Variants in ANKS1B observed in about 807,000 individuals in gnomAD.
ANKS1B encodes ankyrin repeat and sterile alpha motif domain containing 1B, also known as ankyrin repeat and sterile alpha motif domain-containing protein 1B.
In ANKS1B, 36 loss-of-function variants were observed where a neutral mutation model predicts 148.3. The ratio of observed to expected loss-of-function variants is 0.24; its 90% CI spans 0.19 to 0.32. The LOEUF is 0.32. ANKS1B is among the 10% of genes least tolerant of loss of function. ANKS1B has a pLI of 1.00. For missense variants in ANKS1B, 1,157 were observed against 1,542.6 expected (o/e 0.75, Z 4.19); for synonymous variants, 542 against 560.8 (o/e 0.97, Z 0.47).
At chr12:99,538,096 A>G (rs2097091140) in intron 9 of ANKS1B, among the ~76,000 whole-genome samples, 1 of 151,904 alleles carries the variant, frequency 6.6e-6, no homozygotes, top group Non-Finnish European at 1.5e-5. Context: ...TGTGTTCTCT[A>G]TTCTTTTCCA....
At chr12:99,209,575 G>T (rs562521025) in intron 14 of ANKS1B, among the ~76,000 whole-genome samples, 1 of 152,276 alleles carries the variant, frequency 6.6e-6, no homozygotes, top group African/African-American at 2.4e-5. Flanking sequence ...CAAGTCTCAT[G>T]CTTGATGTGT....
intron 17 of ANKS1B, among the ~76,000 whole-genome samples, chr12:98,947,496 ATCATTAAC>A (rs1728996998): frequency 6.6e-6 from 1 of 152,180 alleles, no homozygotes; most frequent in South Asian, 2.1e-4. Flanking sequence ...AGCAACCTAA[ATCATTAAC>A]TCTCAAATTT....
At chr12:99,580,779 T>G (rs959631801) in intron 9 of ANKS1B, among the ~76,000 whole-genome samples, 4 of 152,206 alleles carry the variant, frequency 2.6e-5, no homozygotes, top group Non-Finnish European at 4.4e-5. Context: ...GATCAATATT[T>G]GAGGTAATGA....
At chr12:99,765,708 A>G (rs2062578996) in intron 8 of ANKS1B, among the ~76,000 whole-genome samples, 1 of 152,212 alleles carries the variant, frequency 6.6e-6, no homozygotes, top group Non-Finnish European at 1.5e-5. Context: ...CACTTTCACT[A>G]GAGAAATCCC....
At chr12:99,548,928 A>C (rs2097194275) in intron 9 of ANKS1B, among the ~76,000 whole-genome samples, 1 of 151,872 alleles carries the variant, frequency 6.6e-6, no homozygotes, top group African/African-American at 2.4e-5. Context: ...CAGAATTATG[A>C]AACCAAAATA....
chr12:99,762,781 T>C (rs894262260), intron 8 of ANKS1B, among the ~76,000 whole-genome samples: 2 of 151,850 alleles, frequency 1.3e-5, no homozygotes, highest in Non-Finnish European at 2.9e-5. Flanking sequence ...AGGTCTAATA[T>C]CCAGAATCTA....
intron 4 of ANKS1B, among the ~76,000 whole-genome samples, chr12:99,783,461 C>T (rs144525602): frequency 0.012 from 1,808 of 152,090 alleles, 11 homozygotes; most frequent in Admixed American, 0.018. Context: ...ATTTTAAAGT[C>T]GAGAAATTGT....
intron 10 of ANKS1B, among the ~76,000 whole-genome samples, chr12:99,446,952 G>A (rs2095646849): frequency 6.6e-6 from 1 of 152,024 alleles, no homozygotes; most frequent in Admixed American, 6.6e-5. Context: ...CTGGACATGT[G>A]TTGAAATGTC....
chr12:98,751,358 G>A lies in ANKS1B; in HGVS notation c.3744C>T (p.Ser1248=), dbSNP rs986906074. ...CATCTGTATCGTTTCTACTTACCACGGACTTGCGAATGCTAACGCGGGGCT... is the reference window on the plus strand; with the variant it reads ...CATCTGTATCGTTTCTACTTACCACAGACTTGCGAATGCTAACGCGGGGCT... The part of the protein sequence containing the change: ...IPKPRVSIRK[S]VQIDPSEQKT... Residue 1248 remains serine (S), a synonymous_variant, in exon 26 of 27, where the codon TCC becomes TCT. Transcript: ENST00000683438. The surrounding 1 kb of genome is among the most constrained non-coding windows in gnomAD (Gnocchi z 4.3). 55 of 1,613,456 alleles carry A rather than the reference G, an allele frequency of 3.4e-5. No individual in the cohort carries two copies. Among genetic ancestry groups the A allele is most frequent in the African/African-American group, 1.7e-4 (13 of 74,906 alleles).
In ANKS1B at chr12:99,931,176, C is replaced by T. The variant is rs11110135; in HGVS notation, c.134+52928G>A. ...CGGACACAGGAAGGGGAACATCACA[C>T]ACCAGGGACTGTTGTGGGGTCGGGG... On this transcript the variant is annotated intron_variant, in intron 1 of 26. Transcript: ENST00000683438. 4.8e-3 allele frequency among the ~76,000 whole-genome samples: 731 copies of T among 152,028 alleles called. 10 individuals carry two copies. The highest frequency in any genetic ancestry group is 0.017 in the African/African-American group (688 of 41,456).
chr12:99,682,366 C>T (rs1376428791), intron 8 of ANKS1B, among the ~76,000 whole-genome samples: 1 of 152,082 alleles, frequency 6.6e-6, no homozygotes, highest in East Asian at 1.9e-4. Context: ...TGATAGGCCA[C>T]AAAACAAAGC....
At position 99,518,268 on chromosome 12, in the gene ANKS1B, G is replaced by T. The variant is rs558593655; in HGVS notation, c.1273-13627C>A. ...AGTATTCTCTCCTCCTCTACTTTTT[G>T]GAATAGTTTCAGTAGGATTAGTATT... On this transcript the variant is annotated intron_variant, in intron 9 of 26. Coordinates refer to ENST00000683438, the MANE Select transcript of ANKS1B (RefSeq NM_001352186.2). 1.9e-4 allele frequency among the ~76,000 whole-genome samples: 29 copies of T among 152,020 alleles called. No individual in the cohort carries two copies. The South Asian group carries it at 6.0e-3, about 32-fold the overall frequency.
chr12:98,961,002 C>A (rs1489481930), intron 17 of ANKS1B, among the ~76,000 whole-genome samples: 2 of 152,026 alleles, frequency 1.3e-5, no homozygotes, highest in Non-Finnish European at 2.9e-5. Flanking sequence ...ATGAAGGATG[C>A]CTCCAAGATG....
chr12:98,923,709 T>C (rs1669637226), intron 17 of ANKS1B, among the ~76,000 whole-genome samples: 1 of 152,140 alleles, frequency 6.6e-6, no homozygotes, highest in East Asian at 1.9e-4. Context: ...TTAAAAAAAA[T>C]AAAGAATTCT....
intron 1 of ANKS1B, among the ~76,000 whole-genome samples, chr12:99,832,406 GGT>G (rs1181689012): frequency 1.3e-5 from 2 of 152,000 alleles, no homozygotes; most frequent in African/African-American, 4.8e-5. Flanking sequence ...TGTCCAACAT[GGT>G]GAAACTCTGT....
intron 15 of ANKS1B, among the ~76,000 whole-genome samples, chr12:99,106,371 G>C (rs2059222522): frequency 6.6e-6 from 1 of 152,232 alleles, no homozygotes; most frequent in South Asian, 2.1e-4. Context: ...AAAATCCAGG[G>C]TTAGGACAAG....
intron 12 of ANKS1B, among the ~76,000 whole-genome samples, chr12:99,331,919 G>T (rs2087639350): frequency 6.6e-6 from 1 of 151,970 alleles, no homozygotes. Flanking sequence ...TCTGGGAGCT[G>T]CGATTATAGA....
At chr12:99,517,625 A>G (rs2153048565) in intron 9 of ANKS1B, among the ~76,000 whole-genome samples, 1 of 151,986 alleles carries the variant, frequency 6.6e-6, no homozygotes, top group South Asian at 2.1e-4. Context: ...GCTACTCAAG[A>G]GGCTGAGGCA....
chr12:99,331,504 TCTC>T (rs2087553406), intron 12 of ANKS1B, among the ~76,000 whole-genome samples: 1 of 151,954 alleles, frequency 6.6e-6, no homozygotes, highest in African/African-American at 2.4e-5. Context: ...ACGCTGGAGT[TCTC>T]CTAAGCCACC....
Sources: gnomAD v4.1 joint callset for allele counts (sites outside exome capture counted in the v4.1 genomes callset) on GRCh38, gnomAD v4.1.1 for gene constraint, Gnocchi (gnomAD v3.1) non-coding constraint, MANE v1.5 for transcripts, NCBI Gene and HGNC (gene_info 2026-07-23, HGNC 2026-07-21) for gene names.